GAB3: variants seen among roughly 807,000 people sequenced by gnomAD.
The protein encoded by GAB3 is GRB2 associated binding protein 3.
In GAB3, 12 loss-of-function variants were observed where a neutral mutation model predicts 40.4. The observed-to-expected ratio is 0.30, with a 90% CI of 0.19 to 0.48. GAB3 has a LOEUF of 0.48. Ranked by LOEUF, GAB3 falls within the 20% of genes least tolerant of loss-of-function variation. GAB3 has a pLI of 0.99. For synonymous variants in GAB3, 154 were observed against 176.7 expected, an observed-to-expected ratio of 0.87 and a Z score of 1.02; for missense variants, 381 against 461.9, an observed-to-expected ratio of 0.82 and a Z score of 1.61.
chrX:154,709,187 C>G (rs2070872481), intron 4 of GAB3, among the ~76,000 whole-genome samples: 1 of 111,297 alleles, frequency 9.0e-6, no homozygotes, highest in African/African-American at 3.3e-5. Context: ...TGCTTCCTTC[C>G]TCTTTGTCTT....
In GAB3 at chrX:154,678,286, G is replaced by A. The variant is rs1175059810; in HGVS notation, c.1656C>T (p.Leu552=). 3 of 1,117,303 alleles carry A rather than the reference G, an allele frequency of 2.7e-6. No individual in the cohort carries two copies. Among genetic ancestry groups the A allele is most frequent in the Admixed American group, 4.7e-5 (2 of 42,159 alleles). The allele number at this position is 1,117,303 out of a possible 1,213,427, so 92.1% of individuals were successfully genotyped here. A position where few individuals can be genotyped will look rare whatever the true frequency, so the allele number is the denominator to read the frequency against. ...AGTCTACTCTTTGTTCTTCTGAAAG[G>A]AGAAGTTTCTGAAGGAGGAGAACAA... is the stretch of plus-strand genomic sequence containing the variant. ...ASPAPMQQKL[L]LSEEQRVDYV... is the part of the protein sequence containing the mutation. Residue 552 remains leucine, a synonymous_variant, in exon 10 of 10, where the codon CTC becomes CTT. Coordinates refer to ENST00000424127, the MANE Select transcript of GAB3 (RefSeq NM_001081573.3).
At chrX:154,709,144 A>T (rs138487851) in intron 4 of GAB3, among the ~76,000 whole-genome samples, 39,375 of 108,237 alleles carry the variant, frequency 0.36, 5,312 homozygotes, top group South Asian at 0.57. Flanking sequence ...CTCCCCCTTC[A>T]CTCTCTTCCT....
chrX:154,751,287 G>GGC (rs2071613346), upstream of GAB3, among the ~76,000 whole-genome samples: 1 of 90,587 alleles, frequency 1.1e-5, no homozygotes, highest in Non-Finnish European at 2.1e-5. Flanking sequence ...CTGTGCCCGG[G>GGC]GGGGGGGTGT....
intron 8 of GAB3, among the ~76,000 whole-genome samples, chrX:154,683,816 T>G (rs782733174): frequency 1.2e-4 from 13 of 111,762 alleles, no homozygotes; most frequent in Non-Finnish European, 1.9e-5. Flanking sequence ...TTCATATCTT[T>G]GTGGGTTTAT....
intron 1 of GAB3, among the ~76,000 whole-genome samples, chrX:154,740,984 C>T (rs1330070987): frequency 1.8e-5 from 2 of 111,924 alleles, no homozygotes; most frequent in Non-Finnish European, 3.8e-5. Flanking sequence ...TGTCTCCATG[C>T]AAACTTCATC....
intron 6 of GAB3, among the ~76,000 whole-genome samples, 178 bp from the exon 7 acceptor site, chrX:154,697,391 G>A (rs1486751652): frequency 2.7e-5 from 3 of 111,940 alleles, no homozygotes; most frequent in African/African-American, 9.8e-5. Context: ...GACAAATACT[G>A]AGCAAATGGT....
chrX:154,725,853 T>C (rs782174922), intron 1 of GAB3, among the ~76,000 whole-genome samples: 31 of 111,196 alleles, frequency 2.8e-4, no homozygotes, highest in Middle Eastern at 4.6e-3. Context: ...GGCCACATCT[T>C]AGAAGCAGGA....
chrX:154,676,059 C>A lies in GAB3; in HGVS notation c.*2119G>T, dbSNP rs2070291986. 1 of 111,741 alleles carries A rather than the reference C, an allele frequency of 8.9e-6. No individual in the cohort carries two copies. Among genetic ancestry groups the A allele is most frequent in the Admixed American group, 9.5e-5 (1 of 10,562 alleles). 9.2% of individuals were successfully genotyped at this position (111,741 alleles called of 1,213,427 possible). A position where few individuals can be genotyped will look rare whatever the true frequency, so the allele number is the denominator to read the frequency against. On this transcript the variant is annotated 3_prime_UTR_variant, in exon 10 of 10. Coordinates refer to ENST00000424127, the MANE Select transcript of GAB3 (RefSeq NM_001081573.3). ...GTAGAGAGTGCCTATTCAGAGCATT[C>A]CATTTTTAAGTAATCACATCCAAAC...
chrX:154,731,313 T>A (rs972817101), intron 1 of GAB3, among the ~76,000 whole-genome samples: 1 of 111,903 alleles, frequency 8.9e-6, no homozygotes, highest in Non-Finnish European at 1.9e-5. Flanking sequence ...ACATTAAGTG[T>A]CTGAGGTGCA....
At chrX:154,726,299 G>A (rs1460096805) in intron 1 of GAB3, among the ~76,000 whole-genome samples, 1 of 111,689 alleles carries the variant, frequency 9.0e-6, no homozygotes, top group Non-Finnish European at 1.9e-5. Flanking sequence ...AAATACACTA[G>A]ATGGGCATAA....
At chrX:154,721,095 G>T (rs2071125739) in intron 1 of GAB3, among the ~76,000 whole-genome samples, 1 of 111,562 alleles carries the variant, frequency 9.0e-6, no homozygotes, top group African/African-American at 3.3e-5. Context: ...CCTATGTACT[G>T]GGAAAAAATG....
chrX:154,726,092 A>T (rs782460136), intron 1 of GAB3, among the ~76,000 whole-genome samples: 62 of 112,151 alleles, frequency 5.5e-4, no homozygotes, highest in South Asian at 4.4e-3. Flanking sequence ...AATATGACTC[A>T]TAACCAAAGG....
intron 1 of GAB3, among the ~76,000 whole-genome samples, chrX:154,737,232 C>A (rs1290466235): frequency 8.9e-6 from 1 of 111,734 alleles, no homozygotes; most frequent in African/African-American, 3.3e-5. Flanking sequence ...TCTTCCTTAT[C>A]TTGTGCCCCT....
At chrX:154,742,152 G>T (rs1169571495) in intron 1 of GAB3, among the ~76,000 whole-genome samples, 1 of 111,834 alleles carries the variant, frequency 8.9e-6, no homozygotes, top group African/African-American at 3.3e-5. Context: ...ATAACCCGCA[G>T]GTCACAGAAA....
At chrX:154,733,178 G>A in intron 1 of GAB3, among the ~76,000 whole-genome samples, 1 of 112,331 alleles carries the variant, frequency 8.9e-6, no homozygotes, top group East Asian at 2.8e-4. Context: ...TTTGCTGAAT[G>A]AATCAGTGAG....
At position 154,697,160 on chromosome X, in the gene GAB3, A is replaced by G. The variant is rs1557250926; in HGVS notation, c.1399T>C (p.Ser467Pro). ...GGCACAGTGCGGGTCCTGGTAAGAG[A>G]TGCATGTTCCCGGATGATCGAGAGG... ...RNLSIIREHA[S>P]LTRTRTVPCS... The change falls in exon 7 of 10, where the codon TCT becomes CCT. Residue 467 changes from serine (S) to proline (P), a missense_variant. Coordinates refer to ENST00000424127, the MANE Select transcript of GAB3 (RefSeq NM_001081573.3). 8.3e-7 allele frequency: 1 copy of G among 1,204,282 alleles called. No homozygotes were observed. Among genetic ancestry groups the G allele is most frequent in the Non-Finnish European group, 1.1e-6 (1 of 891,963 alleles).
At chrX:154,716,359 C>G (rs1229671911) in intron 1 of GAB3, 30 bp from the exon 2 acceptor site, 24 of 1,159,404 alleles carry the variant, frequency 2.1e-5, no homozygotes, top group Middle Eastern at 2.9e-4. Context: ...TAAGGAGTTA[C>G]TGGACCAATT....
At chrX:154,704,627 G>A (rs1244479088) in intron 4 of GAB3, among the ~76,000 whole-genome samples, 4 of 111,352 alleles carry the variant, frequency 3.6e-5, no homozygotes, top group East Asian at 2.8e-4. Context: ...GAAAAAGTTC[G>A]TTCTTCAAAA....
intron 4 of GAB3, among the ~76,000 whole-genome samples, chrX:154,709,343 C>T (rs1415663148): frequency 7.0e-5 from 7 of 100,658 alleles, no homozygotes; most frequent in Admixed American, 1.1e-4. Context: ...TTTTTTGAGA[C>T]GAAGTCTTGC....
Sources: gnomAD v4.1 joint callset for allele counts (sites outside exome capture counted in the v4.1 genomes callset) on GRCh38, gnomAD v4.1.1 for gene constraint, MANE v1.5 for transcripts, NCBI Gene and HGNC (gene_info 2026-07-23, HGNC 2026-07-21) for gene names.